PTPRD: variants seen among roughly 807,000 people sequenced by gnomAD.
PTPRD encodes protein tyrosine phosphatase receptor type D, also known as receptor-type tyrosine-protein phosphatase delta.
In PTPRD, 34 loss-of-function variants were observed where a neutral mutation model predicts 214.5. The observed-to-expected ratio is 0.16, with a 90% CI of 0.12 to 0.21. The LOEUF (loss-of-function observed/expected upper bound fraction) is 0.21. Among genes scored for constraint, PTPRD ranks in the 10% least tolerant of loss-of-function variants. PTPRD has a pLI of 1.00. For synonymous variants in PTPRD, 1,128 were observed against 845.7 expected (o/e 1.33, Z -5.79); for missense variants, 2,545 against 2,398.7 (o/e 1.06, Z -1.27).
intron 3 of PTPRD, among the ~76,000 whole-genome samples, chr9:10,155,943 G>A (rs1366225442): frequency 6.6e-6 from 1 of 152,002 alleles, no homozygotes; most frequent in Non-Finnish European, 1.5e-5. Flanking sequence ...TGGATATCAG[G>A]ATGATGCTGG....
chr9:8,716,567 A>G (rs2098438606), intron 12 of PTPRD, among the ~76,000 whole-genome samples: 2 of 152,350 alleles, frequency 1.3e-5, no homozygotes, highest in South Asian at 4.1e-4. Flanking sequence ...TTGAAAGCCT[A>G]TAGTCGCAGA....
intron 9 of PTPRD, among the ~76,000 whole-genome samples, chr9:9,370,288 G>T (rs2059106149): frequency 1.3e-5 from 2 of 151,986 alleles, no homozygotes; most frequent in South Asian, 4.1e-4. Context: ...TTATTTCCCT[G>T]AGCAGTGGTT....
chr9:10,486,178 A>G (rs200234846), intron 2 of PTPRD, among the ~76,000 whole-genome samples: 1 of 151,836 alleles, frequency 6.6e-6, no homozygotes, highest in Non-Finnish European at 1.5e-5. Flanking sequence ...CAGAAGCTCT[A>G]TAGTTTAATT....
At chr9:10,050,184 G>A (rs978684631) in intron 3 of PTPRD, among the ~76,000 whole-genome samples, 3 of 151,996 alleles carry the variant, frequency 2.0e-5, no homozygotes, top group Non-Finnish European at 4.4e-5. Flanking sequence ...TAAGAAAAGA[G>A]GAAGACAAAG....
chr9:9,495,707 C>T (rs2096148970), intron 8 of PTPRD, among the ~76,000 whole-genome samples: 1 of 152,142 alleles, frequency 6.6e-6, no homozygotes, highest in African/African-American at 2.4e-5. Flanking sequence ...TTTCACTATC[C>T]TTCAATTGTC....
intron 10 of PTPRD, among the ~76,000 whole-genome samples, chr9:9,050,096 A>G (rs72694920): frequency 0.1 from 15,500 of 152,236 alleles, 799 homozygotes; most frequent in Middle Eastern, 0.12. Context: ...TGCCCATGCA[A>G]TTTATTGCCG....
chr9:9,719,810 C>A (rs1174960909), intron 7 of PTPRD, among the ~76,000 whole-genome samples: 1 of 152,180 alleles, frequency 6.6e-6, no homozygotes, highest in Non-Finnish European at 1.5e-5. Flanking sequence ...CACTGCATTC[C>A]CCTCATCCGG....
intron 3 of PTPRD, among the ~76,000 whole-genome samples, chr9:10,275,437 A>AAG (rs891801563): frequency 5.1e-4 from 75 of 147,938 alleles, no homozygotes; most frequent in African/African-American, 1.8e-3. Context: ...GAGAGAGAAA[A>AAG]AGAGAGAGAG....
chr9:9,820,858 C>A (rs755056450), intron 5 of PTPRD, among the ~76,000 whole-genome samples: 2 of 152,012 alleles, frequency 1.3e-5, no homozygotes, highest in African/African-American at 2.4e-5. Context: ...GTTTTTGTAC[C>A]AGTACCATGC....
At chr9:10,136,017 C>A (rs1013568129) in intron 3 of PTPRD, among the ~76,000 whole-genome samples, 11 of 151,004 alleles carry the variant, frequency 7.3e-5, no homozygotes, top group African/African-American at 2.7e-4. Flanking sequence ...CACCCACAGG[C>A]TGAAAGAAAA....
intron 3 of PTPRD, among the ~76,000 whole-genome samples, chr9:10,264,185 G>T (rs1005320232): frequency 1.4e-4 from 21 of 152,170 alleles, no homozygotes; most frequent in Non-Finnish European, 2.9e-4. Context: ...GGGAAATGTG[G>T]GGTTGAAGCC....
At chr9:8,318,651 C>T (rs1824046549) in intron 45 of PTPRD, among the ~76,000 whole-genome samples, 1 of 151,916 alleles carries the variant, frequency 6.6e-6, no homozygotes, top group East Asian at 1.9e-4. Flanking sequence ...GGACTGGCTG[C>T]CCACATCAAA....
At chr9:9,982,172 A>T (rs914007039) in intron 4 of PTPRD, among the ~76,000 whole-genome samples, 3 of 152,132 alleles carry the variant, frequency 2.0e-5, no homozygotes, top group Non-Finnish European at 4.4e-5. Context: ...CAAAATACAG[A>T]TCTGTGCCAA....
intron 3 of PTPRD, among the ~76,000 whole-genome samples, chr9:10,129,521 C>T (rs527600581): frequency 4.4e-4 from 51 of 114,782 alleles, no homozygotes; most frequent in Non-Finnish European, 8.0e-4. Context: ...TTTTTTCTCA[C>T]TTATCTCACT....
intron 44 of PTPRD, among the ~76,000 whole-genome samples, chr9:8,322,171 C>G (rs1038902522): frequency 6.6e-6 from 1 of 151,968 alleles, no homozygotes; most frequent in East Asian, 2.0e-4. Flanking sequence ...CCTCAGGCCT[C>G]CCTATTCCTT....
chr9:9,644,123 T>G (rs1300445982), intron 7 of PTPRD, among the ~76,000 whole-genome samples: 1 of 152,238 alleles, frequency 6.6e-6, no homozygotes, highest in East Asian at 1.9e-4. Context: ...AAAGTGTTTT[T>G]GGTAATTACA....
chr9:8,672,208 A>G (rs895529508), intron 12 of PTPRD, among the ~76,000 whole-genome samples: 1 of 152,154 alleles, frequency 6.6e-6, no homozygotes, highest in Non-Finnish European at 1.5e-5. Flanking sequence ...AGATCTTCTT[A>G]AATCCATTTC....
rs76011583 is a variant in PTPRD, at chr9:9,231,685, A to C, written c.-202-48322T>G. On this transcript the variant is annotated intron_variant, in intron 9 of 45. Transcript: ENST00000381196. Reference sequence around the variant, plus strand: ...GTAATCTCTATTAAGTATATAGAACAGTAACACACTTGAGATTTAAATGAA... The same window carrying C: ...GTAATCTCTATTAAGTATATAGAACCGTAACACACTTGAGATTTAAATGAA... 1.0e-3 allele frequency among the ~76,000 whole-genome samples: 158 copies of C among 152,228 alleles called. 3 individuals are homozygous for C. In the East Asian group the frequency reaches 0.029, roughly 28 times the overall value.
At chr9:9,610,764 A>G (rs1186550896) in intron 7 of PTPRD, among the ~76,000 whole-genome samples, 1 of 152,164 alleles carries the variant, frequency 6.6e-6, no homozygotes, top group African/African-American at 2.4e-5. Context: ...ATTCATTCTC[A>G]TTGTAGGTGA....
Sources: gnomAD v4.1 joint callset for allele counts (sites outside exome capture counted in the v4.1 genomes callset) on GRCh38, gnomAD v4.1.1 for gene constraint, MANE v1.5 for transcripts, NCBI Gene and HGNC (gene_info 2026-07-23, HGNC 2026-07-21) for gene names.